The following RTCB variants were observed in gnomAD, a reference collection of about 807,000 sequenced individuals.
RTCB encodes RNA 2',3'-cyclic phosphate and 5'-OH ligase.
Under a neutral mutation model 58.2 loss-of-function variants are expected in RTCB, and 32 were observed. That is an observed-to-expected ratio of 0.55 (90% CI 0.41 to 0.74). The LOEUF (loss-of-function observed/expected upper bound fraction) is 0.74. RTCB is among the 30% of genes least tolerant of loss of function. The pLI is 0.00. For missense variants in RTCB, 523 were observed against 639.0 expected (o/e 0.82, Z 1.96); for synonymous variants, 247 against 218.6 (o/e 1.13, Z -1.15).
chr22:32,404,009 CCT>C (rs1248251691), intron 4 of RTCB, among the ~76,000 whole-genome samples: 7 of 152,110 alleles, frequency 4.6e-5, no homozygotes, highest in Non-Finnish European at 7.4e-5. Context: ...GGCAGGATTC[CCT>C]GTCTTTTCCC....
chr22:32,395,012 G>A lies in RTCB; in HGVS notation c.1179+14C>T, dbSNP rs374994293. On this transcript the variant is annotated intron_variant, in intron 9 of 11. Coordinates refer to ENST00000216038, the MANE Select transcript of RTCB (RefSeq NM_014306.5). ...GCCCCCACTGCTTAAAACTACAAAC[G>A]TAGAGCTACGTACTTGGTAATCAAC... 5.0e-6 allele frequency: 8 copies of A among 1,598,256 alleles called. No individual in the cohort carries two copies. The highest frequency in any genetic ancestry group is 3.4e-5 in the Admixed American group (2 of 59,208).
chr22:32,388,172 G>T, intron 11 of RTCB, 73 bp from the exon 12 acceptor site: 1 of 895,360 alleles, frequency 1.1e-6, no homozygotes, highest in South Asian at 1.5e-5. Context: ...AACTTCACTT[G>T]TGATGAAATA....
At chr22:32,401,975 TG>T in intron 4 of RTCB, 72 bp from the exon 5 acceptor site, 1 of 1,462,884 alleles carries the variant, frequency 6.8e-7, no homozygotes, top group Non-Finnish European at 9.4e-7. Context: ...GCCATTAATA[TG>T]GAACTATAAA....
chr22:32,411,347 A>T (rs1325587571), intron 1 of RTCB, among the ~76,000 whole-genome samples: 1 of 152,196 alleles, frequency 6.6e-6, no homozygotes, highest in Non-Finnish European at 1.5e-5. Context: ...ATGGTGATGA[A>T]GGCCGAGAGA....
intron 7 of RTCB, among the ~76,000 whole-genome samples, chr22:32,397,281 C>T (rs1423896415): frequency 5.3e-5 from 8 of 152,190 alleles, no homozygotes; most frequent in African/African-American, 1.4e-4. Context: ...TCCAATATTT[C>T]GCTGCTTCCT....
At chr22:32,401,374 C>T (rs2095297976) in intron 5 of RTCB, among the ~76,000 whole-genome samples, 1 of 151,996 alleles carries the variant, frequency 6.6e-6, no homozygotes, top group Admixed American at 6.6e-5. Flanking sequence ...GTAAACCCAA[C>T]CACACCTGGC....
intron 10 of RTCB, 93 bp from the exon 11 acceptor site, chr22:32,392,452 A>G (rs1426470728): frequency 6.6e-7 from 1 of 1,520,808 alleles, no homozygotes; most frequent in Admixed American, 1.7e-5. Flanking sequence ...GCTTAAAAAA[A>G]CATCTTTTTT....
chr22:32,410,180 T>C (rs1933496343), intron 1 of RTCB, among the ~76,000 whole-genome samples: 1 of 152,086 alleles, frequency 6.6e-6, no homozygotes, highest in Non-Finnish European at 1.5e-5. Context: ...TAACATTAAG[T>C]ACACAGTGCT....
intron 7 of RTCB, among the ~76,000 whole-genome samples, chr22:32,397,569 T>TA (rs1933267253): frequency 6.6e-6 from 1 of 152,188 alleles, no homozygotes; most frequent in Non-Finnish European, 1.5e-5. Context: ...AGGTATATGA[T>TA]ACATAATCTG....
Position 32,397,579 on chromosome 22 carries a change from G to A in RTCB, c.814+362C>T, listed in dbSNP as rs2067053418. 2.6e-5 allele frequency among the ~76,000 whole-genome samples: 4 copies of A among 152,118 alleles called. No individual in the cohort carries two copies. The South Asian group carries it at 8.3e-4, about 32-fold the overall frequency. ...AGAGCAGGTATATGATACATAATCTGCCAAATGAAAGCCTATTTCATAAAT... is the reference window on the plus strand; with the variant it reads ...AGAGCAGGTATATGATACATAATCTACCAAATGAAAGCCTATTTCATAAAT... On this transcript the variant is annotated intron_variant, in intron 7 of 11. Coordinates refer to ENST00000216038, the MANE Select transcript of RTCB (RefSeq NM_014306.5).
At position 32,395,119 on chromosome 22, in the gene RTCB, C is replaced by A. The variant is rs762304215; in HGVS notation, c.1086G>T (p.Val362=). ...ACAGTGTCCGTTCCTTTCCGTCCACCACATGCTGCTCCACTTTGGCAATGT... is the reference window on the plus strand; with the variant it reads ...ACAGTGTCCGTTCCTTTCCGTCCACAACATGCTGCTCCACTTTGGCAATGT... ...SHNIAKVEQH[V]VDGKERTLLV... is the part of the protein sequence containing the mutation. Residue 362 remains valine, a synonymous_variant, in exon 9 of 12, where the codon GTG becomes GTT. Coordinates refer to ENST00000216038, the MANE Select transcript of RTCB (RefSeq NM_014306.5). 29 of 1,614,058 alleles carry A rather than the reference C, an allele frequency of 1.8e-5. No individual in the cohort carries two copies. Among genetic ancestry groups the A allele is most frequent in the Non-Finnish European group, 2.3e-5 (27 of 1,180,048 alleles).
chr22:32,410,625 G>A (rs1198467229), intron 1 of RTCB, among the ~76,000 whole-genome samples: 1 of 152,146 alleles, frequency 6.6e-6, no homozygotes, highest in African/African-American at 2.4e-5. Flanking sequence ...GCAGCAGTGT[G>A]TGCATCAAAG....
Position 32,412,152 on chromosome 22 carries a change from C to A in RTCB, c.5G>T (p.Ser2Ile). 1 of 1,592,464 alleles carries A rather than the reference C, an allele frequency of 6.3e-7. No homozygotes were observed. Among genetic ancestry groups the A allele is most frequent in the Non-Finnish European group, 8.5e-7 (1 of 1,170,982 alleles). M[S>I]RSYNDELQFL... is the part of the protein sequence containing the mutation. ...CTGCAGCTCATCATTATAGCTGCGA[C>A]TCATGGTGGCGAAAACTGTAGCAAA... The change falls in exon 1 of 12, where the codon AGT becomes ATT. Residue 2 changes from serine (S) to isoleucine (I), a missense_variant. Physicochemically the swap from Ser to Ile is moderately radical, Grantham distance 142. Transcript: ENST00000216038.
intron 2 of RTCB, among the ~76,000 whole-genome samples, 155 bp downstream of exon 2, chr22:32,408,600 T>C (rs1033462466): frequency 1.3e-5 from 2 of 152,242 alleles, no homozygotes; most frequent in African/African-American, 2.4e-5. Context: ...TGGCTGACAA[T>C]GTGATCACAA....
Position 32,390,821 on chromosome 22 carries a change from A to G in RTCB, c.1410+1419T>C, listed in dbSNP as rs919488182. Among the ~76,000 whole-genome samples, 3 of 152,198 alleles carry G rather than the reference A, an allele frequency of 2.0e-5. No individual in the cohort carries two copies. The East Asian group carries it at 5.8e-4, about 29-fold the overall frequency. ...GAAAAATGAATTGTTATTAAAAAAA[A>G]TAAGTCTTTGTCATACTCTGACTCA... On this transcript the variant is annotated intron_variant, in intron 11 of 11. Transcript: ENST00000216038.
intron 10 of RTCB, among the ~76,000 whole-genome samples, chr22:32,392,693 G>A (rs1378518207): frequency 1.3e-5 from 2 of 152,148 alleles, no homozygotes. Context: ...ATGGCGGTAG[G>A]GGGATCTCCT....
intron 1 of RTCB, among the ~76,000 whole-genome samples, chr22:32,410,723 T>TTTC (rs1491266812): frequency 4.6e-4 from 10 of 21,956 alleles, no homozygotes; most frequent in East Asian, 2.5e-3. Flanking sequence ...TTTTCTTTTC[T>TTTC]TTTTTTTTTT....
chr22:32,391,492 T>G (rs1425470667), intron 11 of RTCB, among the ~76,000 whole-genome samples: 1 of 151,608 alleles, frequency 6.6e-6, no homozygotes, highest in Non-Finnish European at 1.5e-5. Flanking sequence ...GCCTCCCGGA[T>G]TCAAGTGATT....
chr22:32,398,859 G>C (rs1302244881), intron 6 of RTCB, among the ~76,000 whole-genome samples: 3 of 152,174 alleles, frequency 2.0e-5, no homozygotes, highest in African/African-American at 7.2e-5. Context: ...TAGAGAACTA[G>C]AGAATGTCAG....
Sources: allele counts gnomAD v4.1 joint callset (sites outside exome capture counted in the v4.1 genomes callset), GRCh38; gene constraint gnomAD v4.1.1; transcripts MANE v1.5; gene names NCBI Gene and HGNC (gene_info 2026-07-23, HGNC 2026-07-21).